Variants in GABPB2 observed in about 807,000 individuals in gnomAD.
The protein encoded by GABPB2 is GA binding protein transcription factor subunit beta 2, also known as GA-binding protein subunit beta-2.
In GABPB2, 23 loss-of-function variants were observed where a neutral mutation model predicts 39.1. That is an observed-to-expected ratio of 0.59 (90% CI 0.42 to 0.83). GABPB2 has a LOEUF of 0.83. Ranked by LOEUF, GABPB2 falls within the 40% of genes least tolerant of loss-of-function variation. The pLI is 0.00. For synonymous variants in GABPB2, 184 were observed against 199.3 expected (o/e 0.92, Z 0.65); for missense variants, 467 against 541.1 (o/e 0.86, Z 1.36).
In GABPB2 at chr1:151,122,042, T is replaced by C. The variant is rs1681202419; in HGVS notation, c.*3786T>C. The stretch of plus-strand genomic sequence containing the variant: ...TTAACATGGTTCTGTTTACCTTGAT[T>C]AGTGAAGTAATTTGCTGCAGTGTTA... On this transcript the variant is annotated 3_prime_UTR_variant, in exon 9 of 9. Coordinates refer to ENST00000368918, the MANE Select transcript of GABPB2 (RefSeq NM_144618.3). 6.6e-6 allele frequency: 1 copy of C among 152,230 alleles called. No homozygotes were observed. The highest frequency in any genetic ancestry group is 1.5e-5 in the Non-Finnish European group (1 of 68,040). 9.4% of individuals were successfully genotyped at this position (152,230 alleles called of 1,614,324 possible).
At chr1:151,106,642 CAG>C (rs1235597398) in intron 6 of GABPB2, among the ~76,000 whole-genome samples, 1 of 152,198 alleles carries the variant, frequency 6.6e-6, no homozygotes. Flanking sequence ...CCAGCCGAAA[CAG>C]AGTATCTTAT....
intron 1 of GABPB2, among the ~76,000 whole-genome samples, chr1:151,075,563 CAAA>C (rs35110350): frequency 4.5e-5 from 2 of 44,270 alleles, no homozygotes; most frequent in African/African-American, 9.4e-5. Context: ...GACTTTGTCT[CAAA>C]AAAAAAAAAA....
chr1:151,072,238 T>G (rs894729983), intron 1 of GABPB2, among the ~76,000 whole-genome samples: 1 of 152,218 alleles, frequency 6.6e-6, no homozygotes, highest in Non-Finnish European at 1.5e-5. Flanking sequence ...CATGAATTAT[T>G]AAAACACACA....
Position 151,093,305 on chromosome 1 carries a change from C to T in GABPB2, c.390C>T (p.Val130=), listed in dbSNP as rs751595714. The part of the protein sequence containing the change: ...VELLIKYGAD[V]HAFSKFDKSA... ...TACTTATCAAATATGGAGCTGATGT[C>T]CATGCTTTCAGCAAATTTGATAAAT... The change falls in exon 4 of 9, where the codon GTC becomes GTT. Residue 130 remains valine, a synonymous_variant. Transcript: ENST00000368918. 6 of 1,611,960 alleles carry T rather than the reference C, an allele frequency of 3.7e-6. No individual in the cohort carries two copies. The highest frequency in any genetic ancestry group is 3.3e-5 in the South Asian group (3 of 90,556).
chr1:151,074,267 GC>G (rs1204616487), intron 1 of GABPB2, among the ~76,000 whole-genome samples: 2 of 135,306 alleles, frequency 1.5e-5, no homozygotes, highest in South Asian at 2.4e-4. Context: ...GAGCCACCGC[GC>G]CCGGCTGGTT....
intron 7 of GABPB2, among the ~76,000 whole-genome samples, chr1:151,109,446 C>T (rs1290855135): frequency 6.7e-6 from 1 of 149,980 alleles, no homozygotes; most frequent in Non-Finnish European, 1.5e-5. Context: ...GCAACCTCCA[C>T]CTCCTGGGTT....
At chr1:151,081,103 G>C (rs1677648223) in intron 1 of GABPB2, among the ~76,000 whole-genome samples, 1 of 151,274 alleles carries the variant, frequency 6.6e-6, no homozygotes. Flanking sequence ...TCGGTCTCCT[G>C]ACTTCGTCAT....
rs1681325793 is a variant in GABPB2, at chr1:151,125,096, A to AT, written c.*6846dup. 1 of 151,722 alleles carries AT rather than the reference A, an allele frequency of 6.6e-6. No individual in the cohort carries two copies. Among genetic ancestry groups the AT allele is most frequent in the African/African-American group, 2.4e-5 (1 of 41,278 alleles). 9.4% of individuals were successfully genotyped at this position (151,722 alleles called of 1,614,324 possible). A position where few individuals can be genotyped will look rare whatever the true frequency, so the allele number is the denominator to read the frequency against. On this transcript the variant is annotated 3_prime_UTR_variant, in exon 9 of 9. Transcript: ENST00000368918. Reference sequence around the variant, plus strand: ...CCGTTCCCCTCCTTCCCTACCACATATTTTTTGTTTATTCTGAGGTGGTTT... The same window carrying AT: ...CCGTTCCCCTCCTTCCCTACCACATATTTTTTTGTTTATTCTGAGGTGGTTT...
In GABPB2 at chr1:151,118,394, GGAA is replaced by G. The variant is rs1314011894; in HGVS notation, c.*140_*142del. ...TAGCAGGGTACAATGCTTGGGCTCA[GGAA>G]GTTTCTCTGTGCAACTAGAAAATTC... On this transcript the variant is annotated 3_prime_UTR_variant, in exon 9 of 9. Transcript: ENST00000368918. The G allele has an allele frequency of 8.6e-6, 7 of 814,996 alleles. No homozygotes were observed. Among genetic ancestry groups the G allele is most frequent in the Non-Finnish European group, 1.3e-5 (7 of 545,490 alleles). 50.5% of individuals were successfully genotyped at this position (814,996 alleles called of 1,614,324 possible).
Position 151,091,465 on chromosome 1 carries a change from C to CA in GABPB2, c.276+921dup, listed in dbSNP as rs34351787. Among the ~76,000 whole-genome samples, 339 of 73,454 alleles carry CA rather than the reference C, an allele frequency of 4.6e-3. 4 individuals carry two copies. Among genetic ancestry groups the CA allele is most frequent in the Middle Eastern group, 8.6e-3 (1 of 116 alleles). The allele number at this position is 73,454 out of a possible 152,430, so 48.2% of individuals were successfully genotyped here. A position where few individuals can be genotyped will look rare whatever the true frequency, so the allele number is the denominator to read the frequency against. On this transcript the variant is annotated intron_variant, in intron 3 of 8. Transcript: ENST00000368918. ...GGTGCGGTGGCTCACTCCTGTGTCT[C>CA]AAAAAAAAAAAAAAAAAAAAAAAAA...
intron 1 of GABPB2, among the ~76,000 whole-genome samples, chr1:151,075,105 G>A (rs1463839149): frequency 6.6e-6 from 1 of 152,034 alleles, no homozygotes. Flanking sequence ...TCGTGCCACC[G>A]CACTCCAGTC....
Position 151,088,238 on chromosome 1 carries a change from G to A in GABPB2, c.49G>A (p.Gly17Ser). 6.2e-7 allele frequency: 1 copy of A among 1,614,082 alleles called. No homozygotes were observed. Among genetic ancestry groups the A allele is most frequent in the Non-Finnish European group, 8.5e-7 (1 of 1,179,994 alleles). ...GKRLLEAARK[G>S]QDDEVRTLMA... ...GAGGTTGCTAGAAGCAGCAAGAAAA[G>A]GCCAAGATGATGAAGTGAGAACGTT... Residue 17 changes from glycine (G) to serine (S), a missense_variant, in exon 2 of 9, where the codon GGC (glycine) becomes AGC (serine). Gly to Ser is a moderately conservative substitution (Grantham distance 56). Transcript: ENST00000368918.
At chr1:151,081,648 T>A (rs988783497) in intron 1 of GABPB2, among the ~76,000 whole-genome samples, 16 of 152,136 alleles carry the variant, frequency 1.1e-4, no homozygotes, top group Non-Finnish European at 1.5e-4. Flanking sequence ...TTATTTTTTT[T>A]TTTTTAGATG....
chr1:151,087,860 A>C (rs1456688730), intron 1 of GABPB2, among the ~76,000 whole-genome samples: 1 of 152,158 alleles, frequency 6.6e-6, no homozygotes, highest in Admixed American at 6.6e-5. Flanking sequence ...TATGTTCCTT[A>C]AAATAATATT....
chr1:151,096,259 A>G (rs1679088594), intron 4 of GABPB2, among the ~76,000 whole-genome samples: 1 of 151,984 alleles, frequency 6.6e-6, no homozygotes, highest in Non-Finnish European at 1.5e-5. Flanking sequence ...CCCTGTCTCT[A>G]CTAAAATACA....
rs143113707 is a variant in GABPB2 at position 151,112,300 on chromosome 1, A to G, written c.922+5078A>G. 3.4e-3 allele frequency: 497 copies of G among 147,620 alleles called. 5 individuals are homozygous for G. Among genetic ancestry groups the G allele is most frequent in the African/African-American group, 0.012 (468 of 40,226 alleles). The allele number at this position is 147,620 out of a possible 1,614,324, so 9.1% of individuals were successfully genotyped here. The stretch of plus-strand genomic sequence containing the variant: ...GGCTGACGGTATATATTGAGGCCAT[A>G]TTTCCGGATCAGACTGTGCTGATTT... On this transcript the variant is annotated intron_variant, in intron 7 of 8. Transcript: ENST00000368918.
intron 7 of GABPB2, chr1:151,112,236 A>AAG (rs1236516067): frequency 1.3e-5 from 2 of 151,238 alleles, no homozygotes; most frequent in Non-Finnish European, 2.9e-5. Context: ...AAAAAAAAAA[A>AAG]AAAAAAAAAA....
At chr1:151,090,849 T>G (rs587679799) in intron 3 of GABPB2, among the ~76,000 whole-genome samples, 6 of 150,240 alleles carry the variant, frequency 4.0e-5, no homozygotes, top group Non-Finnish European at 5.9e-5. Context: ...CAAAAAAAAA[T>G]TAGCAGGACG....
At chr1:151,104,759 CTCTTTCTTTCTTTCTCTCTT>C (rs1343175439) in intron 6 of GABPB2, among the ~76,000 whole-genome samples, 2 of 118,040 alleles carry the variant, frequency 1.7e-5, no homozygotes, top group African/African-American at 6.0e-5. Flanking sequence ...CTATCTGTGA[CTCTTTCTTTCTTTCTCTCTT>C]TCTTTCTTTC....
Sources: gnomAD v4.1 joint callset for allele counts (sites outside exome capture counted in the v4.1 genomes callset) on GRCh38, gnomAD v4.1.1 for gene constraint, MANE v1.5 for transcripts, NCBI Gene and HGNC (gene_info 2026-07-23, HGNC 2026-07-21) for gene names.